The following HEATR1 variants were observed in gnomAD, a reference collection of about 807,000 sequenced individuals.
The protein encoded by HEATR1 is HEAT repeat-containing protein 1.
Under a neutral mutation model 248.2 loss-of-function variants are expected in HEATR1, and 77 were observed. The ratio of observed to expected loss-of-function variants is 0.31; its 90% CI spans 0.26 to 0.37. The LOEUF is 0.37. Ranked by LOEUF, HEATR1 falls within the 10% of genes least tolerant of loss-of-function variation. The pLI, the probability that HEATR1 is intolerant of heterozygous loss-of-function variation, is 1.00. For missense variants in HEATR1, 2,420 were observed against 2,504.9 expected (o/e 0.97, Z 0.72); for synonymous variants, 897 against 923.1 (o/e 0.97, Z 0.51).
intron 44 of HEATR1, chr1:236,551,750 G>C (rs906749775): frequency 2.6e-5 from 10 of 388,392 alleles, no homozygotes; most frequent in Non-Finnish European, 4.6e-6. Flanking sequence ...AGAAAAGATC[G>C]TGAAGATTAC....
intron 20 of HEATR1, among the ~76,000 whole-genome samples, chr1:236,577,632 G>A (rs983027741): frequency 6.6e-6 from 1 of 151,886 alleles, no homozygotes; most frequent in Non-Finnish European, 1.5e-5. Flanking sequence ...GGGATTACAG[G>A]CACGCGCCAC....
chr1:236,550,760 G>A lies in HEATR1; in HGVS notation c.*142C>T. 1 of 626,930 alleles carries A rather than the reference G, an allele frequency of 1.6e-6. No homozygotes were observed. The highest frequency in any genetic ancestry group is 2.7e-6 in the Non-Finnish European group (1 of 368,596). 38.8% of individuals were successfully genotyped at this position (626,930 alleles called of 1,614,324 possible). ...GCAGCACAAGCCAGGTGGGGATTTTGTAAAGAAGTGATAAAACATTTGTAA... is the reference window on the plus strand; with the variant it reads ...GCAGCACAAGCCAGGTGGGGATTTTATAAAGAAGTGATAAAACATTTGTAA... On this transcript the variant is annotated 3_prime_UTR_variant, in exon 45 of 45. Transcript: ENST00000366582.
intron 6 of HEATR1, 139 bp from the exon 7 acceptor site, chr1:236,596,183 A>T: frequency 1.5e-6 from 1 of 646,686 alleles, no homozygotes; most frequent in Non-Finnish European, 2.6e-6. Context: ...GACATAAACA[A>T]TAAAGGAGCT....
chr1:236,596,612 G>A (rs916657782), intron 6 of HEATR1, among the ~76,000 whole-genome samples: 18 of 152,170 alleles, frequency 1.2e-4, no homozygotes, highest in East Asian at 7.7e-4. Flanking sequence ...GGAGATGGCC[G>A]CAGGACCAGA....
Position 236,576,776 on chromosome 1 carries a change from T to C in HEATR1, c.2925+4A>G, listed in dbSNP as rs1414636272. ...CACTCAATCTTCTTTGCTAACGAGC[T>C]TACCTGAATAACATAGGCAGCATCT... On this transcript the variant is annotated splice_donor_region_variant and intron_variant, in intron 21 of 44. Transcript: ENST00000366582. The C allele has an allele frequency of 1.2e-6, 2 of 1,606,518 alleles. No individual in the cohort carries two copies. The highest frequency in any genetic ancestry group is 8.5e-7 in the Non-Finnish European group (1 of 1,176,640).
At position 236,558,355 on chromosome 1, in the gene HEATR1, C is replaced by G; in HGVS notation, c.5086G>C (p.Ala1696Pro). The G allele has an allele frequency of 6.2e-7, 1 of 1,614,180 alleles. No homozygotes were observed. The highest frequency in any genetic ancestry group is 1.1e-5 in the South Asian group (1 of 91,082). ...PDPFVPVLNT[A>P]VKLIAPERKE... ...CTCTCTGGAGCAATCAGTTTCACAG[C>G]AGTGTTCAGCACTGGGACAAAAGGA... The change falls in exon 36 of 45, where the codon GCT becomes CCT. Residue 1696 changes from alanine to proline, a missense_variant. By Grantham distance (27) the Ala-to-Pro change is conservative. Transcript: ENST00000366582.
chr1:236,592,174 C>A (rs1664055594), intron 10 of HEATR1, 64 bp from the exon 11 acceptor site: 1 of 822,446 alleles, frequency 1.2e-6, no homozygotes, highest in Non-Finnish European at 2.0e-6. Flanking sequence ...ATACACCATA[C>A]ACATATAAAG....
Position 236,572,505 on chromosome 1 carries a change from G to T in HEATR1, c.3613C>A (p.Gln1205Lys). 1 of 1,614,006 alleles carries T rather than the reference G, an allele frequency of 6.2e-7. No homozygotes were observed. Among genetic ancestry groups the T allele is most frequent in the South Asian group, 1.1e-5 (1 of 91,070 alleles). The change falls in exon 26 of 45, where the codon CAA becomes AAA. Residue 1205 changes from glutamine (Q) to lysine (K), a missense_variant. Physicochemically the swap from Gln to Lys is moderately conservative, Grantham distance 53. Coordinates refer to ENST00000366582, the MANE Select transcript of HEATR1 (RefSeq NM_018072.6). ...AATTCCAGGATGAGAGTTACTCTTT[G>T]CCAGTAAGAACCTCCAACTTCCTGA... ...SVQEVGGSYW[Q>K]RVTLILELLQ...
rs375239299 is a variant in HEATR1, at chr1:236,576,802, G to A, written c.2903C>T (p.Ser968Leu). 7.5e-5 allele frequency: 121 copies of A among 1,613,060 alleles called. 1 individual carries two copies. In the Middle Eastern group the frequency reaches 1.3e-3, roughly 18 times the overall value. The change falls in exon 21 of 45, where the codon TCA (serine) becomes TTA (leucine). Residue 968 changes from serine to leucine, a missense_variant. Ser to Leu is a moderately radical substitution (Grantham distance 145, BLOSUM62 -2). Transcript: ENST00000366582. ...TACCTGAATAACATAGGCAGCATCTGAAGTGATCTCCTCTGCTTTAGAAAT... is the reference window on the plus strand; with the variant it reads ...TACCTGAATAACATAGGCAGCATCTAAAGTGATCTCCTCTGCTTTAGAAAT... Reference protein sequence around the residue: ...HLISKAEEITSDAAYVIQDLA... With the variant: ...HLISKAEEITLDAAYVIQDLA...
rs528140190 is a variant in HEATR1 at position 236,579,703 on chromosome 1, G to A, written c.2755+1519C>T. On this transcript the variant is annotated intron_variant, in intron 20 of 44. Transcript: ENST00000366582. Reference sequence around the variant, plus strand: ...AGTAAACTCACCTAAAATAAAGACCGAAATTTTGTAAGCGAATAAAAAATT... The same window carrying A: ...AGTAAACTCACCTAAAATAAAGACCAAAATTTTGTAAGCGAATAAAAAATT... 5.9e-5 allele frequency among the ~76,000 whole-genome samples: 9 copies of A among 152,006 alleles called. No individual in the cohort carries two copies. In the East Asian group the frequency reaches 1.2e-3, roughly 20 times the overall value.
At chr1:236,566,939 G>T in intron 29 of HEATR1, 63 bp from the exon 30 acceptor site, 3 of 1,114,342 alleles carry the variant, frequency 2.7e-6, no homozygotes, top group Non-Finnish European at 4.1e-6. Context: ...ACAAGTTTAG[G>T]TGAACAAGAT....
In HEATR1 at chr1:236,566,142, T is replaced by A; in HGVS notation, c.4309-97A>T. The A allele has an allele frequency of 4.2e-6, 5 of 1,190,336 alleles. No homozygotes were observed. The South Asian group carries it at 7.7e-5, about 18-fold the overall frequency. The allele number at this position is 1,190,336 out of a possible 1,614,324, so 73.7% of individuals were successfully genotyped here. On this transcript the variant is annotated intron_variant, in intron 30 of 44. Transcript: ENST00000366582. Reference sequence around the variant, plus strand: ...CGTTAGGATTTCTAGCAGAACAGAGTATACTACTTTATTTAGAGTGGGTCG... The same window carrying A: ...CGTTAGGATTTCTAGCAGAACAGAGAATACTACTTTATTTAGAGTGGGTCG...
chr1:236,594,122 T>C lies in HEATR1; in HGVS notation c.1091-8A>G, dbSNP rs1280106951. The stretch of plus-strand genomic sequence containing the variant: ...TTCCTTCAGTTTCTTCTCCTTAATA[T>C]GTAAAAATTAAAATTGTGTTGGGAA... On this transcript the variant is annotated splice_polypyrimidine_tract_variant and splice_region_variant and intron_variant, in intron 8 of 44. Transcript: ENST00000366582. 1.4e-5 allele frequency: 21 copies of C among 1,528,242 alleles called. No individual in the cohort carries two copies. The Admixed American group carries it at 1.8e-4, about 13-fold the overall frequency. The allele number at this position is 1,528,242 out of a possible 1,614,324, so 94.7% of individuals were successfully genotyped here. A position where few individuals can be genotyped will look rare whatever the true frequency, so the allele number is the denominator to read the frequency against.
At position 236,592,098 on chromosome 1, in the gene HEATR1, T is replaced by C; in HGVS notation, c.1317A>G (p.Thr439=). ...AGTGTTCCTCTAATACAACATCTAATGTTCTGGGGTATCTGGGAAGCAATT... is the reference window on the plus strand; with the variant it reads ...AGTGTTCCTCTAATACAACATCTAACGTTCTGGGGTATCTGGGAAGCAATT... ...IRLLESKYPR[T]LDVVLEEHLK... Residue 439 remains threonine (T), a synonymous_variant, in exon 11 of 45, where the codon ACA becomes ACG. Coordinates refer to ENST00000366582, the MANE Select transcript of HEATR1 (RefSeq NM_018072.6). 6.4e-7 allele frequency: 1 copy of C among 1,557,578 alleles called. No individual in the cohort carries two copies. Among genetic ancestry groups the C allele is most frequent in the Non-Finnish European group, 8.8e-7 (1 of 1,136,374 alleles).
intron 19 of HEATR1, among the ~76,000 whole-genome samples, 194 bp downstream of exon 19, chr1:236,582,542 T>C (rs1192307368): frequency 6.6e-6 from 1 of 152,064 alleles, no homozygotes; most frequent in East Asian, 1.9e-4. Flanking sequence ...TGGCTGGGAT[T>C]ACAGGCCCCA....
chr1:236,559,760 T>C lies in HEATR1; in HGVS notation c.4724A>G (p.Lys1575Arg), dbSNP rs531736484. ...TTTACTAAGGAGCGCGCGCCAGAAC[T>C]TCACGGTGAGTTTGTCTGCGTTCCT... is the stretch of plus-strand genomic sequence containing the variant. ...MERNADKLTV[K>R]FWRALLSKAY... The change falls in exon 34 of 45, where the codon AAG becomes AGG. Residue 1575 changes from lysine to arginine, a missense_variant. By Grantham distance (26) the Lys-to-Arg change is conservative. Transcript: ENST00000366582. 1 of 1,614,110 alleles carries C rather than the reference T, an allele frequency of 6.2e-7. No individual in the cohort carries two copies. Among genetic ancestry groups the C allele is most frequent in the Non-Finnish European group, 8.5e-7 (1 of 1,179,994 alleles).
At position 236,553,645 on chromosome 1, in the gene HEATR1, T is replaced by C; in HGVS notation, c.6173A>G (p.Asp2058Gly). 6.2e-7 allele frequency: 1 copy of C among 1,614,130 alleles called. No individual in the cohort carries two copies. The highest frequency in any genetic ancestry group is 2.2e-5 in the East Asian group (1 of 44,874). ...CIAQFSVAMA[D>G]DSLWKPLNYQ... ...GTTCAGTGGTTTCCAAAGAGAGTCA[T>C]CCGCCATGGCCACCGAAAACTGTGC... Residue 2058 changes from aspartate to glycine, a missense_variant, in exon 43 of 45, where the codon GAT (aspartate) becomes GGT (glycine). Asp to Gly is a moderately conservative substitution (Grantham distance 94). Transcript: ENST00000366582.
At chr1:236,580,857 G>C (rs1377121634) in intron 20 of HEATR1, among the ~76,000 whole-genome samples, 1 of 130,090 alleles carries the variant, frequency 7.7e-6, no homozygotes, top group African/African-American at 2.9e-5. Flanking sequence ...GTCTCGCTGT[G>C]TCACCAGGCT....
rs566412296 is a variant in HEATR1 at position 236,594,095 on chromosome 1, C to T, written c.1110G>A (p.Met370Ile). Residue 370 changes from methionine to isoleucine, a missense_variant, in exon 9 of 45, where the codon ATG (methionine) becomes ATA (isoleucine). By Grantham distance (10) the Met-to-Ile change is conservative. Transcript: ENST00000366582. ...HHVTGEETEG[M>I]DGQIYKRHLE... Reference sequence around the variant, plus strand: ...AGTGTCTCTTGTAGATTTGACCATCCATTCCTTCAGTTTCTTCTCCTTAAT... The same window carrying T: ...AGTGTCTCTTGTAGATTTGACCATCTATTCCTTCAGTTTCTTCTCCTTAAT... 2.5e-6 allele frequency: 4 copies of T among 1,594,286 alleles called. 1 individual carries two copies. In the South Asian group the frequency reaches 4.6e-5, roughly 18 times the overall value.
Sources: allele counts gnomAD v4.1 joint callset (sites outside exome capture counted in the v4.1 genomes callset), GRCh38; gene constraint gnomAD v4.1.1; transcripts MANE v1.5; gene names NCBI Gene and HGNC (gene_info 2026-07-23, HGNC 2026-07-21).